Variants in OTUD7A observed in about 807,000 individuals in gnomAD.
The protein encoded by OTUD7A is OTU domain-containing protein 7A.
OTUD7A carries 12 observed loss-of-function variants against 65.7 expected under a neutral mutation model. The ratio of observed to expected loss-of-function variants is 0.18; its 90% confidence interval spans 0.12 to 0.30. The LOEUF (loss-of-function observed/expected upper bound fraction) is 0.30. OTUD7A is among the 10% of genes least tolerant of loss of function. The pLI is 1.00. For missense variants in OTUD7A, 1,148 were observed against 1,304.8 expected (o/e 0.88, Z 1.85); for synonymous variants, 641 against 586.3 (o/e 1.09, Z -1.35).
intron 1 of OTUD7A, among the ~76,000 whole-genome samples, chr15:31,867,882 G>C (rs957939307): frequency 1.4e-5 from 2 of 147,174 alleles, no homozygotes; most frequent in Admixed American, 6.7e-5. Flanking sequence ...TCCATCTCTT[G>C]GAAGACAGGC....
At position 31,807,812 on chromosome 15, in the gene OTUD7A, C is replaced by A. The variant is rs951529278; in HGVS notation, c.-100+62695G>T. On this transcript the variant is annotated intron_variant, in intron 1 of 12. Transcript: ENST00000307050. ...AACCACCTCCACTCCCCCAACCCCCCAAAAAAACCCACAAATACACTGAAG... is the reference window on the plus strand; with the variant it reads ...AACCACCTCCACTCCCCCAACCCCCAAAAAAAACCCACAAATACACTGAAG... Among the ~76,000 whole-genome samples, 8 of 152,180 alleles carry A rather than the reference C, an allele frequency of 5.3e-5. No homozygotes were observed. In the East Asian group the frequency reaches 1.4e-3, roughly 26 times the overall value.
intron 1 of OTUD7A, among the ~76,000 whole-genome samples, chr15:31,684,697 C>T (rs2654115): frequency 0.46 from 54,291 of 119,284 alleles, 15,433 homozygotes; most frequent in Middle Eastern, 0.65. Context: ...AGAGCAACCA[C>T]GTGAGAAGAG....
intron 3 of OTUD7A, among the ~76,000 whole-genome samples, chr15:31,629,741 A>C (rs1426637563): frequency 1.3e-5 from 2 of 152,174 alleles, no homozygotes; most frequent in Non-Finnish European, 2.9e-5. Flanking sequence ...TTTGGTTGGT[A>C]AGCTATTGAT....
chr15:31,781,681 T>C (rs1299772557), intron 1 of OTUD7A, among the ~76,000 whole-genome samples: 2 of 152,152 alleles, frequency 1.3e-5, no homozygotes, highest in African/African-American at 2.4e-5. Context: ...GACATAGTGA[T>C]TGCAGCCTCA....
chr15:31,694,458 A>G (rs1392001931), intron 1 of OTUD7A, among the ~76,000 whole-genome samples: 1 of 152,074 alleles, frequency 6.6e-6, no homozygotes, highest in Non-Finnish European at 1.5e-5. Context: ...AACTTTTTGT[A>G]ACACCAGTTT....
intron 1 of OTUD7A, among the ~76,000 whole-genome samples, chr15:31,849,391 C>A (rs1047683223): frequency 6.6e-6 from 1 of 152,294 alleles, no homozygotes; most frequent in Non-Finnish European, 1.5e-5. Context: ...ACACCTTGTA[C>A]AATAATTAAT....
chr15:31,502,450 A>G lies in OTUD7A; in HGVS notation c.1022-611T>C, dbSNP rs549859742. On this transcript the variant is annotated intron_variant, in intron 9 of 12. Transcript: ENST00000307050. ...CTGTCCTAAAGCAGCATCTGCTTTG[A>G]GGTCATGAAACGTCTTTACTTTTGG... Among the ~76,000 whole-genome samples, 4 of 152,356 alleles carry G rather than the reference A, an allele frequency of 2.6e-5. No individual in the cohort carries two copies. In the South Asian group the frequency reaches 8.3e-4, roughly 32 times the overall value.
At chr15:31,674,527 A>G (rs939690540) in intron 1 of OTUD7A, among the ~76,000 whole-genome samples, 12 of 152,232 alleles carry the variant, frequency 7.9e-5, no homozygotes, top group African/African-American at 2.9e-4. Flanking sequence ...ATCTTGGTTT[A>G]TCAGGGAGCA....
Position 31,790,333 on chromosome 15 carries a change from C to T in OTUD7A, c.-100+80174G>A, listed in dbSNP as rs570287800. Among the ~76,000 whole-genome samples the T allele has an allele frequency of 2.6e-5, 4 of 152,368 alleles. No homozygotes were observed. In the South Asian group the frequency reaches 8.3e-4, roughly 32 times the overall value. On this transcript the variant is annotated intron_variant, in intron 1 of 12. Coordinates refer to ENST00000307050, the MANE Select transcript of OTUD7A (RefSeq NM_001382637.1). Reference sequence around the variant, plus strand: ...AACAAGTTCTCAGCTGATGCTGATGCTGCAGGCCTAGGGGCCACACTTTGA... The same window carrying T: ...AACAAGTTCTCAGCTGATGCTGATGTTGCAGGCCTAGGGGCCACACTTTGA...
At chr15:31,779,724 C>G (rs546531042) in intron 1 of OTUD7A, among the ~76,000 whole-genome samples, 1 of 152,180 alleles carries the variant, frequency 6.6e-6, no homozygotes, top group East Asian at 1.9e-4. Flanking sequence ...GATCTGGACA[C>G]CAGAGTCTTC....
Position 31,600,384 on chromosome 15 carries a change from A to G in OTUD7A, c.152-30187T>C, listed in dbSNP as rs11855987. Among the ~76,000 whole-genome samples, 971 of 152,324 alleles carry G rather than the reference A, an allele frequency of 6.4e-3. 9 individuals are homozygous for G. The highest frequency in any genetic ancestry group is 0.022 in the African/African-American group (902 of 41,568). On this transcript the variant is annotated intron_variant, in intron 3 of 12. Transcript: ENST00000307050. Reference sequence around the variant, plus strand: ...TAAGCTTCATAAGTGAAGGAGAAATAAAATCCTTTACAGACAGGCAAATGC... The same window carrying G: ...TAAGCTTCATAAGTGAAGGAGAAATGAAATCCTTTACAGACAGGCAAATGC...
chr15:31,640,512 T>C (rs983239724), intron 3 of OTUD7A, among the ~76,000 whole-genome samples: 2 of 152,230 alleles, frequency 1.3e-5, no homozygotes, highest in Admixed American at 6.5e-5. Flanking sequence ...CATTTTAAGG[T>C]AATTTTTGCA....
chr15:31,790,856 G>A (rs1246268226), intron 1 of OTUD7A, among the ~76,000 whole-genome samples: 1 of 152,202 alleles, frequency 6.6e-6, no homozygotes, highest in Non-Finnish European at 1.5e-5. Context: ...CTGCCTGAGA[G>A]ACAGAGTCAC....
At chr15:31,676,843 C>G (rs1892605516) in intron 1 of OTUD7A, among the ~76,000 whole-genome samples, 1 of 152,226 alleles carries the variant, frequency 6.6e-6, no homozygotes, top group Non-Finnish European at 1.5e-5. Context: ...TTCCCTACAT[C>G]ATATCACTGA....
chr15:31,767,129 T>C, intron 1 of OTUD7A: 1 of 1,517,030 alleles, frequency 6.6e-7, no homozygotes, highest in South Asian at 1.2e-5. Context: ...TTTTTTTTTC[T>C]CTACGAAGCA....
At chr15:31,657,180 C>A (rs1253454287) in intron 1 of OTUD7A, 103 bp from the exon 2 acceptor site, 2 of 152,576 alleles carry the variant, frequency 1.3e-5, no homozygotes, top group Non-Finnish European at 2.9e-5. Flanking sequence ...TGGCCTTGGC[C>A]AATTGCCTGA....
At chr15:31,632,637 C>G (rs1160648009) in intron 3 of OTUD7A, among the ~76,000 whole-genome samples, 1 of 152,238 alleles carries the variant, frequency 6.6e-6, no homozygotes, top group Non-Finnish European at 1.5e-5. Flanking sequence ...AGAACCACTA[C>G]TCTCTTCAAA....
chr15:31,631,192 T>G (rs2141249608), intron 3 of OTUD7A, among the ~76,000 whole-genome samples: 1 of 152,376 alleles, frequency 6.6e-6, no homozygotes, highest in South Asian at 2.1e-4. Context: ...CTTGATGGTC[T>G]TTACATTTTG....
rs550558550 is a variant in OTUD7A at position 31,522,697 on chromosome 15, C to T, written c.893+3652G>A. On this transcript the variant is annotated intron_variant, in intron 8 of 12. Transcript: ENST00000307050. The stretch of plus-strand genomic sequence containing the variant: ...TTCCCATCTGACCTCACTAATCCCT[C>T]CCCAAGCCCTAGGGAAGGCCTGGTT... 5.9e-5 allele frequency among the ~76,000 whole-genome samples: 9 copies of T among 152,284 alleles called. 1 individual carries two copies. The South Asian group carries it at 1.9e-3, about 32-fold the overall frequency.
Sources: allele counts gnomAD v4.1 joint callset (sites outside exome capture counted in the v4.1 genomes callset), GRCh38; gene constraint gnomAD v4.1.1; transcripts MANE v1.5; gene names NCBI Gene and HGNC (gene_info 2026-07-23, HGNC 2026-07-21).